The following TBL1XR1 variants were observed in gnomAD, a reference collection of about 807,000 sequenced individuals.
The protein encoded by TBL1XR1 is TBL1X/Y related 1.
A neutral mutation model predicts 66.9 loss-of-function variants in TBL1XR1; 5 were observed. The ratio of observed to expected loss-of-function variants is 0.07; its 90% CI spans 0.04 to 0.16. The LOEUF (loss-of-function observed/expected upper bound fraction) is 0.16. Among genes scored for constraint, TBL1XR1 ranks in the 10% least tolerant of loss-of-function variants. The pLI is 1.00. For missense variants in TBL1XR1, 238 were observed against 623.2 expected, an observed-to-expected ratio of 0.38 and a Z score of 6.58; for synonymous variants, 210 against 206.0, an observed-to-expected ratio of 1.02 and a Z score of -0.17.
intron 2 of TBL1XR1, among the ~76,000 whole-genome samples, chr3:177,083,789 T>C (rs996788337): frequency 1.3e-5 from 2 of 152,056 alleles, no homozygotes; most frequent in Non-Finnish European, 2.9e-5. Context: ...TTGTTTTTGT[T>C]TTTTTAAAGG....
chr3:177,062,789 A>G (rs373546796), intron 3 of TBL1XR1, among the ~76,000 whole-genome samples: 1 of 152,156 alleles, frequency 6.6e-6, no homozygotes, highest in Admixed American at 6.5e-5. Flanking sequence ...TTTCAACATA[A>G]AACACCTTAA....
rs2108492417 is a variant in TBL1XR1 at position 177,050,560 on chromosome 3, T to G, written c.478A>C (p.Asn160His). 2 of 1,613,862 alleles carry G rather than the reference T, an allele frequency of 1.2e-6. No homozygotes were observed. The highest frequency in any genetic ancestry group is 1.7e-6 in the Non-Finnish European group (2 of 1,179,822). Reference sequence around the variant, plus strand: ...TGGCCCCGCAACACAACAGCTTTATTAGGAGGGATTTCAACATCCCCATCC... The same window carrying G: ...TGGCCCCGCAACACAACAGCTTTATGAGGAGGGATTTCAACATCCCCATCC... ...EVDGDVEIPP[N>H]KAVVLRGHES... The change falls in exon 6 of 16, where the codon AAT (asparagine) becomes CAT (histidine). Residue 160 changes from asparagine (N) to histidine (H), a missense_variant. Asn to His is a moderately conservative substitution (Grantham distance 68). This residue lies in a region of TBL1XR1 where 26 missense variants were observed against 103.7 expected (regional missense o/e 0.25). Coordinates refer to ENST00000457928, the MANE Select transcript of TBL1XR1 (RefSeq NM_024665.7).
intron 14 of TBL1XR1, among the ~76,000 whole-genome samples, chr3:177,031,687 A>G (rs1051798911): frequency 2.7e-5 from 4 of 148,994 alleles, no homozygotes; most frequent in African/African-American, 9.7e-5. Context: ...GCACTTTGGG[A>G]GGCTGAGGTG....
intron 3 of TBL1XR1, among the ~76,000 whole-genome samples, chr3:177,062,984 A>G (rs1430735503): frequency 6.6e-6 from 1 of 152,060 alleles, no homozygotes. Context: ...AAAATACAAA[A>G]TTAGCCAGGC....
chr3:177,031,582 T>C (rs774731222), intron 14 of TBL1XR1, among the ~76,000 whole-genome samples: 1 of 149,502 alleles, frequency 6.7e-6, no homozygotes, highest in Non-Finnish European at 1.5e-5. Context: ...CTGCCCGCCT[T>C]GGCCTCCCAA....
upstream of TBL1XR1, among the ~76,000 whole-genome samples, chr3:177,200,887 A>T (rs567015622): frequency 6.6e-6 from 1 of 151,834 alleles, no homozygotes; most frequent in Non-Finnish European, 1.5e-5. Flanking sequence ...GGTGCCTGTA[A>T]TCGCAGCTAC....
intron 10 of TBL1XR1, among the ~76,000 whole-genome samples, chr3:177,041,474 T>C (rs184821472): frequency 1.3e-5 from 2 of 152,326 alleles, no homozygotes; most frequent in South Asian, 2.1e-4. Context: ...TCTTCACTTA[T>C]TTCTCCTAAG....
chr3:177,049,324 G>T (rs915886661), intron 7 of TBL1XR1, among the ~76,000 whole-genome samples: 5 of 152,134 alleles, frequency 3.3e-5, no homozygotes, highest in African/African-American at 1.2e-4. Context: ...TTTGGGGGAG[G>T]GGCAGGGGGT....
At position 177,112,495 on chromosome 3, in the gene TBL1XR1, T is replaced by C. The variant is rs150744351; in HGVS notation, c.-121-13954A>G. 7.2e-3 allele frequency among the ~76,000 whole-genome samples: 1,101 copies of C among 152,220 alleles called. 19 individuals carry two copies. Among genetic ancestry groups the C allele is most frequent in the African/African-American group, 0.025 (1,040 of 41,526 alleles). On this transcript the variant is annotated intron_variant, in intron 1 of 15. Transcript: ENST00000457928. ...GTCTCATTCAATCCCCTTTGTTTTATGCATACAGATTGAGATCGGAAATGG... is the reference window on the plus strand; with the variant it reads ...GTCTCATTCAATCCCCTTTGTTTTACGCATACAGATTGAGATCGGAAATGG...
At chr3:177,054,067 TGTGTGTGCGC>T (rs1717476606) in intron 3 of TBL1XR1, 149 bp from the exon 4 acceptor site, 1 of 645,286 alleles carries the variant, frequency 1.5e-6, no homozygotes, top group Middle Eastern at 3.2e-4. Context: ...TGTGTGTGTG[TGTGTGTGCGC>T]GCGCGTGTGT....
intron 1 of TBL1XR1, among the ~76,000 whole-genome samples, chr3:177,112,107 A>ATATATTTTTTTT: frequency 1.6e-4 from 6 of 37,652 alleles, no homozygotes; most frequent in African/African-American, 2.6e-4. Flanking sequence ...ATATATATAT[A>ATATATTTTTTTT]TTTTTTTTTT....
chr3:177,117,963 G>A (rs895462131), intron 1 of TBL1XR1, among the ~76,000 whole-genome samples: 1 of 152,132 alleles, frequency 6.6e-6, no homozygotes, highest in Non-Finnish European at 1.5e-5. Flanking sequence ...TCAGAAACCA[G>A]GAGTCTATCG....
chr3:177,119,420 T>A (rs1726715225), intron 1 of TBL1XR1, among the ~76,000 whole-genome samples: 1 of 152,212 alleles, frequency 6.6e-6, no homozygotes, highest in Non-Finnish European at 1.5e-5. Flanking sequence ...GATGGCTGGA[T>A]TCCTATATAA....
chr3:177,041,102 G>C (rs1048648212), intron 10 of TBL1XR1: 1 of 152,154 alleles, frequency 6.6e-6, no homozygotes, highest in African/African-American at 2.4e-5. Flanking sequence ...TAAGTTGCAG[G>C]CTGTATTTTT....
intron 1 of TBL1XR1, among the ~76,000 whole-genome samples, chr3:177,123,606 T>C (rs1727251347): frequency 6.6e-6 from 1 of 152,024 alleles, no homozygotes; most frequent in Non-Finnish European, 1.5e-5. Context: ...TATTTTACTT[T>C]GAAGTTTCAG....
chr3:177,104,152 G>A (rs1724585275), intron 1 of TBL1XR1, among the ~76,000 whole-genome samples: 1 of 138,934 alleles, frequency 7.2e-6, no homozygotes, highest in African/African-American at 2.6e-5. Context: ...AAATATATAA[G>A]AATTCTACCA....
At chr3:177,083,898 G>A (rs1490429988) in intron 2 of TBL1XR1, among the ~76,000 whole-genome samples, 3 of 151,816 alleles carry the variant, frequency 2.0e-5, no homozygotes, top group Non-Finnish European at 4.4e-5. Context: ...GATCAGCCTG[G>A]CCAACATGAT....
In TBL1XR1 at chr3:177,053,725, G is replaced by A. The variant is rs141072798; in HGVS notation, c.204+48C>T. 317 of 1,542,002 alleles carry A rather than the reference G, an allele frequency of 2.1e-4. 1 individual carries two copies. In the African/African-American group the frequency reaches 3.9e-3, roughly 19 times the overall value. On this transcript the variant is annotated intron_variant, in intron 4 of 15. Coordinates refer to ENST00000457928, the MANE Select transcript of TBL1XR1 (RefSeq NM_024665.7). The stretch of plus-strand genomic sequence containing the variant: ...AGCAAGCAAGACAGCTGACTTAACG[G>A]CATATTTAAGATGAAAAAAATCAGT...
chr3:177,086,299 C>A (rs765400234), intron 2 of TBL1XR1, among the ~76,000 whole-genome samples: 92 of 151,838 alleles, frequency 6.1e-4, no homozygotes, highest in Non-Finnish European at 1.0e-3. Context: ...CAAAATCCAG[C>A]ATGCATTTTA....
Sources: allele counts gnomAD v4.1 joint callset (sites outside exome capture counted in the v4.1 genomes callset), GRCh38; gene constraint gnomAD v4.1.1; regional missense constraint gnomAD v4.1.1; transcripts MANE v1.5; gene names NCBI Gene and HGNC (gene_info 2026-07-23, HGNC 2026-07-21).